Variants in PAK6 observed in about 807,000 individuals in gnomAD.
PAK6 encodes the protein p21 (RAC1) activated kinase 6.
PAK6 carries 33 observed loss-of-function variants against 60.8 expected under a neutral mutation model. The ratio of observed to expected loss-of-function variants is 0.54; its 90% CI spans 0.41 to 0.73. The LOEUF is 0.73. PAK6 is among the 30% of genes least tolerant of loss of function. The pLI is 0.00. For synonymous variants in PAK6, 404 were observed against 378.5 expected, an observed-to-expected ratio of 1.07 and a Z score of -0.78; for missense variants, 845 against 904.1, an observed-to-expected ratio of 0.93 and a Z score of 0.84.
chr15:40,248,695 G>A (rs377383658), intron 2 of PAK6, among the ~76,000 whole-genome samples: 13 of 152,188 alleles, frequency 8.5e-5, no homozygotes, highest in East Asian at 3.9e-4. Context: ...GGGTCCTCGC[G>A]TGTTACACAG....
chr15:40,267,635 G>C (rs1395779062), intron 5 of PAK6, among the ~76,000 whole-genome samples: 3 of 152,178 alleles, frequency 2.0e-5, no homozygotes, highest in Non-Finnish European at 4.4e-5. Flanking sequence ...CTCCAGCCTG[G>C]GGGACAGACA....
chr15:40,265,790 T>A, intron 4 of PAK6, 52 bp from the exon 5 acceptor site: 1 of 1,482,068 alleles, frequency 6.7e-7, no homozygotes, highest in African/African-American at 1.4e-5. Flanking sequence ...CAGCCACCCC[T>A]CCCTGCCACA....
At chr15:40,243,924 A>G (rs986126541) in intron 2 of PAK6, among the ~76,000 whole-genome samples, 20 of 152,136 alleles carry the variant, frequency 1.3e-4, no homozygotes, top group African/African-American at 4.6e-4. Context: ...TGCATGAGGA[A>G]CTGTGTTCTG....
chr15:40,254,968 A>G (rs904359031), intron 3 of PAK6, among the ~76,000 whole-genome samples: 3 of 152,138 alleles, frequency 2.0e-5, no homozygotes, highest in Admixed American at 6.5e-5. Context: ...CCAACTCACA[A>G]TGGTGTTGTG....
intron 3 of PAK6, chr15:40,256,872 ATCCAAAGC>A (rs1197811409): frequency 1.3e-5 from 2 of 152,236 alleles, no homozygotes; most frequent in Non-Finnish European, 2.9e-5. Flanking sequence ...CGTGAGAAAT[ATCCAAAGC>A]TCCTCCGTGA....
chr15:40,248,042 C>T (rs2038544439), intron 2 of PAK6, among the ~76,000 whole-genome samples: 1 of 152,196 alleles, frequency 6.6e-6, no homozygotes, highest in Non-Finnish European at 1.5e-5. Flanking sequence ...CCACCTTCCC[C>T]AGGGCGGGAG....
chr15:40,248,841 T>C (rs1450096413), intron 2 of PAK6, among the ~76,000 whole-genome samples: 1 of 152,170 alleles, frequency 6.6e-6, no homozygotes, highest in Admixed American at 6.5e-5. Flanking sequence ...CACTGCCCGT[T>C]CAAACATTCC....
At chr15:40,253,622 A>G (rs2038752807) in intron 3 of PAK6, among the ~76,000 whole-genome samples, 1 of 152,078 alleles carries the variant, frequency 6.6e-6, no homozygotes, top group Admixed American at 6.6e-5. Context: ...CATGCCGGGG[A>G]AGAGGTTCCC....
At chr15:40,273,585 T>C in exon 9 of PAK6, 1 of 1,614,030 alleles carries the variant, frequency 6.2e-7, no homozygotes, top group Non-Finnish European at 8.5e-7. Context: ...TGTGCTCAGA[T>C]CAGCAAAGAC....
In PAK6 at chr15:40,267,887, G is replaced by C. The variant is rs560726826; in HGVS notation, c.858+1392G>C. On this transcript the variant is annotated intron_variant, in intron 5 of 10. Transcript: ENST00000560346. ...CCCTGCTGGGAAGGTGAGATTCGGA[G>C]CTTGACCTCCCTCTGTCTCTCAGGA... Among the ~76,000 whole-genome samples the C allele has an allele frequency of 4.7e-4, 72 of 152,316 alleles. 1 individual carries two copies. Among genetic ancestry groups the C allele is most frequent in the African/African-American group, 1.7e-3 (72 of 41,568 alleles).
At chr15:40,254,291 C>T (rs1255317161) in intron 3 of PAK6, among the ~76,000 whole-genome samples, 3 of 152,212 alleles carry the variant, frequency 2.0e-5, no homozygotes, top group South Asian at 4.1e-4. Flanking sequence ...GGCTAAGCCA[C>T]TCCAAGTTCT....
chr15:40,247,708 C>T (rs969800927), intron 2 of PAK6, among the ~76,000 whole-genome samples: 1 of 152,164 alleles, frequency 6.6e-6, no homozygotes, highest in African/African-American at 2.4e-5. Context: ...GGCGGGGACC[C>T]ATGGACTTTT....
intron 2 of PAK6, among the ~76,000 whole-genome samples, chr15:40,243,764 T>C (rs1390713808): frequency 6.6e-5 from 10 of 152,230 alleles, no homozygotes; most frequent in Non-Finnish European, 1.3e-4. Context: ...TTCTAAGGAA[T>C]AACTTGAGAC....
chr15:40,268,247 A>G (rs893253261), intron 5 of PAK6, among the ~76,000 whole-genome samples: 2 of 152,142 alleles, frequency 1.3e-5, no homozygotes, highest in Non-Finnish European at 1.5e-5. Flanking sequence ...AGACCCCCCG[A>G]GCTGCTCCGG....
At chr15:40,248,438 G>A (rs558146795) in intron 2 of PAK6, among the ~76,000 whole-genome samples, 52 of 152,296 alleles carry the variant, frequency 3.4e-4, no homozygotes, top group African/African-American at 1.2e-3. Context: ...AGGAGCCCCA[G>A]CTCCACAGGG....
At chr15:40,248,197 C>T (rs2038549533) in intron 2 of PAK6, among the ~76,000 whole-genome samples, 1 of 152,146 alleles carries the variant, frequency 6.6e-6, no homozygotes, top group Non-Finnish European at 1.5e-5. Flanking sequence ...ACCCCAAGGG[C>T]CTGGCAGTGT....
chr15:40,242,795 C>T (rs1425344570), intron 2 of PAK6, among the ~76,000 whole-genome samples: 1 of 152,106 alleles, frequency 6.6e-6, no homozygotes, highest in Non-Finnish European at 1.5e-5. Context: ...TAAAGGGGAC[C>T]GTGTCTCTTC....
chr15:40,272,878 C>T (rs201655600), exon 7 of PAK6: 10 of 1,613,782 alleles, frequency 6.2e-6, no homozygotes, highest in African/African-American at 5.3e-5. Context: ...GGTGATCATG[C>T]GGGACTACCA....
chr15:40,241,479 G>A (rs1169482702), intron 2 of PAK6, among the ~76,000 whole-genome samples: 2 of 152,176 alleles, frequency 1.3e-5, no homozygotes, highest in Non-Finnish European at 2.9e-5. Flanking sequence ...TGGGGTTGAG[G>A]CCTTTGGGGC....
Sources: gnomAD v4.1 joint callset for allele counts (sites outside exome capture counted in the v4.1 genomes callset) on GRCh38, gnomAD v4.1.1 for gene constraint, MANE v1.5 for transcripts, NCBI Gene and HGNC (gene_info 2026-07-23, HGNC 2026-07-21) for gene names.